Variants in INTS9 observed in about 807,000 individuals in gnomAD.
The protein encoded by INTS9 is protein related to CPSF subunits of 74 kDa.
A neutral mutation model predicts 79.7 loss-of-function variants in INTS9; 55 were observed. The observed-to-expected ratio is 0.69, with a 90% CI of 0.56 to 0.86. The LOEUF is 0.86. Ranked by LOEUF, INTS9 falls within the 40% of genes least tolerant of loss-of-function variation. The probability of loss-of-function intolerance (pLI) is 0.00; values close to 1 mark genes in which losing one functional copy is unlikely to be tolerated. For missense variants in INTS9, 721 were observed against 831.5 expected (o/e 0.87, Z 1.64); for synonymous variants, 319 against 325.2 (o/e 0.98, Z 0.20).
intron 4 of INTS9, among the ~76,000 whole-genome samples, chr8:28,838,521 C>T (rs7830065): frequency 0.033 from 5,078 of 152,186 alleles, 302 homozygotes; most frequent in African/African-American, 0.12. Context: ...TCTGTCAAGA[C>T]GCAATTCTCT....
intron 8 of INTS9, among the ~76,000 whole-genome samples, chr8:28,809,585 A>T (rs920727947): frequency 1.3e-5 from 2 of 152,290 alleles, no homozygotes; most frequent in Admixed American, 1.3e-4. Context: ...AAATTTATGG[A>T]CCTTGTAAGA....
At chr8:28,845,356 A>G (rs28532531) in intron 4 of INTS9, among the ~76,000 whole-genome samples, 107 of 152,310 alleles carry the variant, frequency 7.0e-4, no homozygotes, top group African/African-American at 2.4e-3. Context: ...TTCCAATCAT[A>G]CAAGACCTGG....
intron 1 of INTS9, among the ~76,000 whole-genome samples, chr8:28,867,177 C>T (rs1172711017): frequency 6.6e-6 from 1 of 152,122 alleles, no homozygotes; most frequent in Non-Finnish European, 1.5e-5. Flanking sequence ...AATCCCAGCA[C>T]TTTGGGAGGC....
intron 8 of INTS9, among the ~76,000 whole-genome samples, chr8:28,801,540 T>C (rs533745628): frequency 6.6e-6 from 1 of 152,102 alleles, no homozygotes; most frequent in South Asian, 2.1e-4. Context: ...AACAAAAACC[T>C]TGATACAAGA....
At chr8:28,813,989 G>A (rs1805313666) in intron 6 of INTS9, among the ~76,000 whole-genome samples, 1 of 151,264 alleles carries the variant, frequency 6.6e-6, no homozygotes, top group African/African-American at 2.4e-5. Flanking sequence ...TCAATCTCCT[G>A]ACCTTGTGAT....
intron 14 of INTS9, among the ~76,000 whole-genome samples, chr8:28,775,501 A>C (rs900221554): frequency 6.6e-6 from 1 of 152,138 alleles, no homozygotes; most frequent in African/African-American, 2.4e-5. Flanking sequence ...ACACCTGGCT[A>C]CTTTTTTTGT....
rs1175024305 is a variant in INTS9, at chr8:28,817,348, G to T, written c.489-3736C>A. ...ATTTTTATATAAGGTGTAAGGAAGG[G>T]ATCCAGTTTCAGCTTTCTCCATATG... is the stretch of plus-strand genomic sequence containing the variant. On this transcript the variant is annotated intron_variant, in intron 6 of 16. Transcript: ENST00000521022. Among the ~76,000 whole-genome samples, 10 of 152,298 alleles carry T rather than the reference G, an allele frequency of 6.6e-5. No individual in the cohort carries two copies. The South Asian group carries it at 1.4e-3, about 22-fold the overall frequency.
chr8:28,768,074 C>A lies in INTS9; in HGVS notation c.*72G>T. ...ACACAGTTAATGGCCTCTCATGCCACTCCTCAGGTGGCTTGTGAGGGCAGC... is the reference window on the plus strand; with the variant it reads ...ACACAGTTAATGGCCTCTCATGCCAATCCTCAGGTGGCTTGTGAGGGCAGC... On this transcript the variant is annotated 3_prime_UTR_variant, in exon 17 of 17. Coordinates refer to ENST00000521022, the MANE Select transcript of INTS9 (RefSeq NM_018250.4). 7.0e-7 allele frequency: 1 copy of A among 1,421,726 alleles called. No homozygotes were observed. 88.1% of individuals were successfully genotyped at this position (1,421,726 alleles called of 1,614,324 possible).
intron 1 of INTS9, among the ~76,000 whole-genome samples, chr8:28,871,551 C>G (rs1339581557): frequency 1.3e-5 from 2 of 151,876 alleles, no homozygotes; most frequent in African/African-American, 2.4e-5. Context: ...ACTACAGATG[C>G]AAGCCATTAT....
At chr8:28,885,223 A>C (rs1257205204) in intron 1 of INTS9, among the ~76,000 whole-genome samples, 3 of 152,250 alleles carry the variant, frequency 2.0e-5, no homozygotes, top group Non-Finnish European at 4.4e-5. Context: ...TGGCCTTCTC[A>C]AGTTTTAAAA....
intron 1 of INTS9, among the ~76,000 whole-genome samples, chr8:28,866,413 A>T (rs1808746228): frequency 6.6e-6 from 1 of 152,104 alleles, no homozygotes; most frequent in African/African-American, 2.4e-5. Context: ...TTCTCAGCTT[A>T]TATATCTGTA....
chr8:28,794,224 G>A (rs186074664), intron 9 of INTS9, among the ~76,000 whole-genome samples: 24 of 152,228 alleles, frequency 1.6e-4, no homozygotes, highest in Non-Finnish European at 2.6e-4. Flanking sequence ...ATGTGACTAC[G>A]GGTTTGGGTT....
intron 4 of INTS9, 51 bp downstream of exon 4, chr8:28,846,696 G>T: frequency 1.5e-6 from 2 of 1,301,950 alleles, no homozygotes; most frequent in Non-Finnish European, 2.2e-6. Context: ...TTCATTTTGA[G>T]CAATTACATA....
At chr8:28,787,706 G>A in intron 11 of INTS9, 123 bp downstream of exon 11, 1 of 545,106 alleles carries the variant, frequency 1.8e-6, no homozygotes, top group Non-Finnish European at 3.3e-6. Flanking sequence ...TGTCTGACTT[G>A]GGAGGCAAAG....
chr8:28,846,927 G>A (rs1807552760), intron 3 of INTS9, 118 bp from the exon 4 acceptor site: 1 of 773,042 alleles, frequency 1.3e-6, no homozygotes, highest in Non-Finnish European at 2.2e-6. Context: ...AGAGCTGGAG[G>A]GAAGCTGGGA....
At chr8:28,843,687 C>T (rs1431726689) in intron 4 of INTS9, among the ~76,000 whole-genome samples, 2 of 151,990 alleles carry the variant, frequency 1.3e-5, no homozygotes, top group East Asian at 1.9e-4. Context: ...GCTACAGTGA[C>T]AGCTTCATGT....
chr8:28,830,345 C>G (rs1304255390), intron 6 of INTS9, among the ~76,000 whole-genome samples: 1 of 151,968 alleles, frequency 6.6e-6, no homozygotes, highest in Non-Finnish European at 1.5e-5. Context: ...GAATAAATAG[C>G]TCTTCAGGCC....
chr8:28,773,274 T>C (rs112893178), intron 14 of INTS9, among the ~76,000 whole-genome samples: 7,517 of 152,000 alleles, frequency 0.049, 528 homozygotes, highest in African/African-American at 0.16. Flanking sequence ...CCATCCTGGC[T>C]AACACGATGA....
chr8:28,870,666 A>T (rs1809038745), intron 1 of INTS9, among the ~76,000 whole-genome samples: 1 of 152,198 alleles, frequency 6.6e-6, no homozygotes, highest in Non-Finnish European at 1.5e-5. Context: ...GTTTAGAAAA[A>T]TCTGGACATC....
Sources: allele counts gnomAD v4.1 joint callset (sites outside exome capture counted in the v4.1 genomes callset), GRCh38; gene constraint gnomAD v4.1.1; transcripts MANE v1.5; gene names NCBI Gene and HGNC (gene_info 2026-07-23, HGNC 2026-07-21).